Variants in LTBP2 observed in about 807,000 individuals in gnomAD.
LTBP2 encodes the protein latent-transforming growth factor beta-binding protein 2.
LTBP2 carries 103 observed loss-of-function variants against 210.6 expected under a neutral mutation model. The observed-to-expected ratio is 0.49, with a 90% confidence interval of 0.42 to 0.58. The LOEUF (loss-of-function observed/expected upper bound fraction) is 0.58, where lower values mean the gene tolerates loss of function less well. LTBP2 is among the 20% of genes least tolerant of loss of function. The pLI is 0.00. For synonymous variants in LTBP2, 1,007 were observed against 1,015.0 expected (o/e 0.99, Z 0.15); for missense variants, 2,313 against 2,494.5 (o/e 0.93, Z 1.55).
At chr14:74,545,326 C>G (rs915494456) in intron 8 of LTBP2, among the ~76,000 whole-genome samples, 1 of 152,188 alleles carries the variant, frequency 6.6e-6, no homozygotes, top group Non-Finnish European at 1.5e-5. Context: ...GGTGGCTGTA[C>G]AAATTCAGTG....
intron 3 of LTBP2, among the ~76,000 whole-genome samples, chr14:74,572,314 TGTGTGTGTGAGA>T (rs750582709): frequency 2.8e-4 from 21 of 74,718 alleles, no homozygotes; most frequent in Admixed American, 1.9e-3. Flanking sequence ...TGTCTGTGTG[TGTGTGTGTGAGA>T]GAGAGAGAGA....
intron 3 of LTBP2, among the ~76,000 whole-genome samples, chr14:74,584,738 C>T (rs1026266783): frequency 6.6e-6 from 1 of 152,150 alleles, no homozygotes; most frequent in Non-Finnish European, 1.5e-5. Flanking sequence ...CTCCTAGCTG[C>T]CCTTGGAAAA....
rs950439928 is a variant in LTBP2, at chr14:74,505,132, GCCGGGGCATGGT to G, written c.4208_4219del (p.Asp1403_Pro1406del). On this transcript the variant is annotated inframe_deletion, in exon 29 of 36. Transcript: ENST00000261978. ...GGAGTAGCAGTCCATGCGGGTGGGG[GCCGGGGCATGGT>G]CCCCCGTTGGGGCCTCAGACATACT... The G allele has an allele frequency of 6.2e-7, 1 of 1,613,606 alleles. No homozygotes were observed. Among genetic ancestry groups the G allele is most frequent in the Non-Finnish European group, 8.5e-7 (1 of 1,180,046 alleles).
chr14:74,506,890 T>TGC, intron 26 of LTBP2, 67 bp from the exon 27 acceptor site: 13 of 1,225,696 alleles, frequency 1.1e-5, no homozygotes, highest in Admixed American at 6.2e-5. Context: ...CGCGCGCGCG[T>TGC]GTGTGCTCAC....
chr14:74,525,074 C>G, intron 15 of LTBP2, 50 bp downstream of exon 15: 1 of 1,084,586 alleles, frequency 9.2e-7, no homozygotes, highest in Non-Finnish European at 1.2e-6. Flanking sequence ...TGGACAGACA[C>G]AGCTCACAGG....
Position 74,507,809 on chromosome 14 carries a change from T to G in LTBP2, c.3775+164A>C, listed in dbSNP as rs954473543. ...CACGAAGATGATGATTGTCTTCATT[T>G]TGTCATCCTTGGACAGCCCCTGAGC... On this transcript the variant is annotated intron_variant, in intron 25 of 35. Transcript: ENST00000261978. Among the ~76,000 whole-genome samples the G allele has an allele frequency of 8.5e-5, 13 of 152,252 alleles. 1 individual carries two copies. Among genetic ancestry groups the G allele is most frequent in the Admixed American group, 8.5e-4 (13 of 15,294 alleles).
intron 13 of LTBP2, among the ~76,000 whole-genome samples, chr14:74,527,027 C>T (rs1390296303): frequency 2.0e-5 from 3 of 152,206 alleles, no homozygotes; most frequent in African/African-American, 2.4e-5. Flanking sequence ...GTCTGCAGTG[C>T]TTAAAGCTTG....
chr14:74,507,061 T>A, intron 26 of LTBP2, 118 bp downstream of exon 26: 1 of 1,579,766 alleles, frequency 6.3e-7, no homozygotes, highest in Non-Finnish European at 8.7e-7. Context: ...ATGGAAAATA[T>A]ACAAGCTACA....
intron 8 of LTBP2, among the ~76,000 whole-genome samples, chr14:74,540,854 ATATT>A (rs1346156956): frequency 7.6e-4 from 66 of 86,920 alleles, no homozygotes; most frequent in African/African-American, 2.6e-3. Flanking sequence ...TATATTATAT[ATATT>A]ATATATATTT....
intron 30 of LTBP2, 36 bp downstream of exon 30, chr14:74,504,742 G>C: frequency 1.2e-6 from 2 of 1,603,394 alleles, no homozygotes; most frequent in East Asian, 2.2e-5. Flanking sequence ...GCCCACTCAG[G>C]TGAAGGAGTT....
intron 8 of LTBP2, among the ~76,000 whole-genome samples, chr14:74,540,792 T>TA (rs2087484795): frequency 5.7e-5 from 1 of 17,472 alleles, no homozygotes; most frequent in African/African-American, 8.0e-5. Context: ...ATTATATATA[T>TA]ATTTATATAT....
At chr14:74,599,919 C>T (rs1012329684) in intron 2 of LTBP2, among the ~76,000 whole-genome samples, 1 of 152,246 alleles carries the variant, frequency 6.6e-6, no homozygotes, top group Non-Finnish European at 1.5e-5. Context: ...TGGGGGATGT[C>T]AGCCCCCATC....
chr14:74,569,593 G>GCCC (rs1444018741), intron 3 of LTBP2, among the ~76,000 whole-genome samples: 1 of 152,216 alleles, frequency 6.6e-6, no homozygotes, highest in Non-Finnish European at 1.5e-5. Flanking sequence ...AGCCAGCTGT[G>GCCC]CTGAGGGGCA....
intron 19 of LTBP2, 39 bp downstream of exon 19, chr14:74,511,205 GC>G: frequency 6.2e-7 from 1 of 1,612,822 alleles, no homozygotes; most frequent in South Asian, 1.1e-5. Context: ...AGGTCCCAAG[GC>G]CGAATGGCTG....
intron 2 of LTBP2, among the ~76,000 whole-genome samples, chr14:74,587,715 C>T (rs575462414): frequency 1.3e-5 from 2 of 152,238 alleles, no homozygotes; most frequent in East Asian, 3.9e-4. Flanking sequence ...GTGAAACTAC[C>T]AGGCACAGCT....
chr14:74,592,404 C>G (rs558950281), intron 2 of LTBP2, among the ~76,000 whole-genome samples: 9 of 152,328 alleles, frequency 5.9e-5, no homozygotes, highest in African/African-American at 2.2e-4. Context: ...TGCGGTGGCT[C>G]ACGCCTGTAA....
chr14:74,525,478 T>C (rs1341043339), intron 14 of LTBP2, among the ~76,000 whole-genome samples: 2 of 152,244 alleles, frequency 1.3e-5, no homozygotes, highest in African/African-American at 4.8e-5. Flanking sequence ...AATGGTCACT[T>C]GTCCAAGGCC....
intron 1 of LTBP2, among the ~76,000 whole-genome samples, chr14:74,610,522 TCCCAGACTTCCCGATGGTGCCCCCA>T (rs1198865021): frequency 6.6e-6 from 1 of 152,160 alleles, no homozygotes; most frequent in Non-Finnish European, 1.5e-5. Context: ...CCAAAGCCCT[TCCCAGACTTCCCGATGGTGCCCCCA>T]CCCAGCCCCT....
rs2087029897 is a variant in LTBP2, at chr14:74,508,921, G to T, written c.3435C>A (p.Ser1145Arg). ...TGTTCTTGCACTCGCCTCCCAGGCA[G>T]CTGCTCTGGGGGTCTTCACATTCAT... Reference protein sequence around the residue: ...DVDECEDPQSSCLGGECKNTV... With the variant: ...DVDECEDPQSRCLGGECKNTV... Residue 1145 changes from serine to arginine, a missense_variant, in exon 23 of 36, where the codon AGC becomes AGA. Physicochemically the swap from Ser to Arg is moderately radical, Grantham distance 110. Around this residue, in one of 3 missense-constraint regions of LTBP2, gnomAD observed 1,867 missense variants for 1,976.9 expected, o/e 0.94. Coordinates refer to ENST00000261978, the MANE Select transcript of LTBP2 (RefSeq NM_000428.3). The T allele has an allele frequency of 6.2e-7, 1 of 1,613,766 alleles. No individual in the cohort carries two copies. The highest frequency in any genetic ancestry group is 8.5e-7 in the Non-Finnish European group (1 of 1,179,968).
Sources: gnomAD v4.1 joint callset for allele counts (sites outside exome capture counted in the v4.1 genomes callset) on GRCh38, gnomAD v4.1.1 for gene constraint, gnomAD v4.1.1 regional missense constraint, MANE v1.5 for transcripts, NCBI Gene and HGNC (gene_info 2026-07-23, HGNC 2026-07-21) for gene names.